FCRL5: variants seen among roughly 807,000 people sequenced by gnomAD.
FCRL5 encodes Fc receptor-like protein 5.
Under a neutral mutation model 92.1 loss-of-function variants are expected in FCRL5, and 79 were observed. That is an observed-to-expected ratio of 0.86 (90% CI 0.72 to 1.03). The LOEUF (loss-of-function observed/expected upper bound fraction) is 1.03. FCRL5 is among the 50% of genes least tolerant of loss of function. FCRL5 has a pLI of 0.00. For missense variants in FCRL5, 1,160 were observed against 1,181.1 expected (o/e 0.98, Z 0.26); for synonymous variants, 466 against 469.3 (o/e 0.99, Z 0.09).
At chr1:157,524,237 G>A (rs1650321559) in intron 10 of FCRL5, 42 bp downstream of exon 10, 1 of 1,607,570 alleles carries the variant, frequency 6.2e-7, no homozygotes, top group Admixed American at 1.7e-5. Context: ...AACAGGCACA[G>A]TCAGTTCTCA....
intron 5 of FCRL5, among the ~76,000 whole-genome samples, chr1:157,543,865 A>G (rs758118020): frequency 1.3e-5 from 2 of 152,128 alleles, no homozygotes; most frequent in Non-Finnish European, 2.9e-5. Flanking sequence ...ATCCTACAGA[A>G]ATTTTCACTT....
chr1:157,526,870 C>T (rs1650452129), intron 9 of FCRL5, among the ~76,000 whole-genome samples: 2 of 151,998 alleles, frequency 1.3e-5, no homozygotes. Flanking sequence ...TAAAATTGTC[C>T]TTTTGGAGAT....
chr1:157,543,010 C>G lies in FCRL5; in HGVS notation c.972G>C (p.Glu324Asp). 6 of 1,614,204 alleles carry G rather than the reference C, an allele frequency of 3.7e-6. No individual in the cohort carries two copies. The highest frequency in any genetic ancestry group is 5.1e-6 in the Non-Finnish European group (6 of 1,180,040). Residue 324 changes from glutamate to aspartate, a missense_variant, in exon 6 of 17, where the codon GAG becomes GAC. By Grantham distance (45) the Glu-to-Asp change is conservative (BLOSUM62 2). Transcript: ENST00000361835. ...SLRTLYRFYH[E>D]GVPLRHKSVR... ...CTGACTTGTGCCTCAGGGGGACACC[C>G]TCATGATAAAACCTGTACAAAGTGC... is the stretch of plus-strand genomic sequence containing the variant.
chr1:157,515,299 C>A lies in FCRL5; in HGVS notation c.*376G>T. The A allele has an allele frequency of 3.2e-6, 1 of 309,390 alleles. No individual in the cohort carries two copies. The highest frequency in any genetic ancestry group is 7.6e-5 in the East Asian group (1 of 13,162). 19.2% of individuals were successfully genotyped at this position (309,390 alleles called of 1,614,324 possible). ...GTTTAGGAGCACCTGAGCTGTTAGG[C>A]CAGCCCGGCATCTCCTGAAGGCCCA... On this transcript the variant is annotated 3_prime_UTR_variant, in exon 17 of 17. Transcript: ENST00000361835.
At chr1:157,535,155 G>A in intron 7 of FCRL5, among the ~76,000 whole-genome samples, 1 of 152,134 alleles carries the variant, frequency 6.6e-6, no homozygotes, top group Admixed American at 6.5e-5. Context: ...TTGCAGAGGA[G>A]ATGATGCTTT....
At chr1:157,518,407 C>A in intron 15 of FCRL5, 22 bp downstream of exon 15, 1 of 1,603,590 alleles carries the variant, frequency 6.2e-7, no homozygotes, top group South Asian at 1.1e-5. Flanking sequence ...TGGGCCAGAA[C>A]AGAGACATCC....
At chr1:157,539,049 G>T in intron 7 of FCRL5, 37 bp downstream of exon 7, 1 of 1,600,448 alleles carries the variant, frequency 6.2e-7, no homozygotes, top group Non-Finnish European at 8.5e-7. Context: ...AGGACTCTTG[G>T]CCAGGGGTGG....
intron 6 of FCRL5, chr1:157,542,644 C>T: frequency 1.8e-6 from 1 of 549,224 alleles, no homozygotes; most frequent in Non-Finnish European, 3.1e-6. Flanking sequence ...AAAGCCACTG[C>T]ACCATCAGGC....
intron 9 of FCRL5, 74 bp downstream of exon 9, chr1:157,527,543 C>A (rs1650484548): frequency 3.5e-6 from 5 of 1,433,726 alleles, no homozygotes; most frequent in Non-Finnish European, 2.8e-6. Flanking sequence ...GAAACTGTAC[C>A]TCTGATCTTG....
intron 3 of FCRL5, 84 bp from the exon 4 acceptor site, chr1:157,545,166 A>G: frequency 6.8e-7 from 1 of 1,465,626 alleles, no homozygotes; most frequent in South Asian, 1.3e-5. Flanking sequence ...ATTTTATTTT[A>G]AAAAAATGGG....
chr1:157,515,706 A>G lies in FCRL5; in HGVS notation c.2903T>C (p.Leu968Pro), dbSNP rs181153216. 115 of 1,613,620 alleles carry G rather than the reference A, an allele frequency of 7.1e-5. No individual in the cohort carries two copies. Among genetic ancestry groups the G allele is most frequent in the Non-Finnish European group, 3.4e-6 (4 of 1,179,762 alleles). The change falls in exon 17 of 17, where the codon CTG becomes CCG. Residue 968 changes from leucine (L) to proline (P), a missense_variant. By Grantham distance (98) the Leu-to-Pro change is moderately conservative (BLOSUM62 -3). Transcript: ENST00000361835. The stretch of plus-strand genomic sequence containing the variant: ...GTGAGGAGCTGAGGAAGCCAAGAAC[A>G]GGGATCCGGAAACCGGGGTTGACGC... The part of the protein sequence containing the change: ...KVASTPVSGS[L>P]FLASSAPHR
At chr1:157,521,911 C>A (rs1650216080) in intron 10 of FCRL5, 1 of 152,038 alleles carries the variant, frequency 6.6e-6, no homozygotes, top group Non-Finnish European at 1.5e-5. Context: ...ATAAAATATG[C>A]CAATATATTT....
At chr1:157,519,083 G>A (rs1650065092) in intron 13 of FCRL5, 1 of 241,698 alleles carries the variant, frequency 4.1e-6, no homozygotes, top group African/African-American at 2.3e-5. Context: ...AGTGACTTAT[G>A]AAGATCATGT....
At chr1:157,531,912 G>C (rs565002616) in intron 8 of FCRL5, 1 of 152,162 alleles carries the variant, frequency 6.6e-6, no homozygotes, top group Admixed American at 6.5e-5. Context: ...TGTTCTATTG[G>C]TGATGATGGT....
In FCRL5 at chr1:157,539,083, T is replaced by C. The variant is rs201450747; in HGVS notation, c.1402+3A>G. 12 of 1,612,042 alleles carry C rather than the reference T, an allele frequency of 7.4e-6. No individual in the cohort carries two copies. The highest frequency in any genetic ancestry group is 1.7e-5 in the Admixed American group (1 of 59,992). ...GGGTGATTGGCAGGAACCCAGGGCT[T>C]ACCAGTGACGGAGAGGCTCACCGCC... On this transcript the variant is annotated splice_donor_region_variant and intron_variant, in intron 7 of 16. Coordinates refer to ENST00000361835, the MANE Select transcript of FCRL5 (RefSeq NM_031281.3).
chr1:157,544,594 C>A, intron 4 of FCRL5, 48 bp from the exon 5 acceptor site: 1 of 1,591,442 alleles, frequency 6.3e-7, no homozygotes. Flanking sequence ...GCTGGAACTG[C>A]TTTGGAGAAA....
intron 10 of FCRL5, 43 bp downstream of exon 10, chr1:157,524,236 A>T: frequency 2.5e-6 from 4 of 1,602,062 alleles, no homozygotes; most frequent in Non-Finnish European, 1.7e-6. Flanking sequence ...GAACAGGCAC[A>T]GTCAGTTCTC....
intron 10 of FCRL5, 147 bp from the exon 11 acceptor site, chr1:157,521,439 G>A (rs1268993862): frequency 2.7e-5 from 26 of 958,248 alleles, no homozygotes; most frequent in Non-Finnish European, 3.6e-5. Context: ...ACTTTGACCT[G>A]CTAATAGTTT....
chr1:157,541,247 G>A (rs140423971), intron 6 of FCRL5, among the ~76,000 whole-genome samples: 288 of 152,214 alleles, frequency 1.9e-3, no homozygotes, highest in Admixed American at 4.7e-3. Flanking sequence ...GACTGGCCTG[G>A]GGTTTGCTCC....
Sources: allele counts gnomAD v4.1 joint callset (sites outside exome capture counted in the v4.1 genomes callset), GRCh38; gene constraint gnomAD v4.1.1; transcripts MANE v1.5; gene names NCBI Gene and HGNC (gene_info 2026-07-23, HGNC 2026-07-21).